The following MGAT4C variants were observed in gnomAD, a reference collection of about 807,000 sequenced individuals.
MGAT4C encodes the protein alpha-1,3-mannosyl-glycoprotein 4-beta-N-acetylglucosaminyltransferase C.
Under a neutral mutation model 40.1 loss-of-function variants are expected in MGAT4C, and 19 were observed. The ratio of observed to expected loss-of-function variants is 0.47; its 90% CI spans 0.33 to 0.70. MGAT4C has a LOEUF of 0.70. MGAT4C is among the 30% of genes least tolerant of loss of function. The pLI, the probability that MGAT4C is intolerant of heterozygous loss-of-function variation, is 0.02. For missense variants in MGAT4C, 491 were observed against 563.2 expected, an observed-to-expected ratio of 0.87 and a Z score of 1.30; for synonymous variants, 181 against 187.1, an observed-to-expected ratio of 0.97 and a Z score of 0.27.
rs1284489965 is a variant in MGAT4C at position 86,712,121 on chromosome 12, G to T, written c.-229+15088C>A. Among the ~76,000 whole-genome samples the T allele has an allele frequency of 3.9e-5, 6 of 152,098 alleles. No homozygotes were observed. The East Asian group carries it at 9.7e-4, about 24-fold the overall frequency. On this transcript the variant is annotated intron_variant, in intron 2 of 7. Transcript: ENST00000548651. ...ATTTCATTTATTTATTAAATGAGAA[G>T]ATAATAAATTTAATATTGTAATAAA...
intron 1 of MGAT4C, among the ~76,000 whole-genome samples, chr12:86,792,471 C>G (rs1406367032): frequency 6.6e-6 from 1 of 151,998 alleles, no homozygotes; most frequent in Non-Finnish European, 1.5e-5. Flanking sequence ...CCTGGTATAT[C>G]CAGCTAACAT....
chr12:86,382,312 A>T (rs975961753), intron 3 of MGAT4C, among the ~76,000 whole-genome samples: 2 of 152,172 alleles, frequency 1.3e-5, no homozygotes, highest in Non-Finnish European at 1.5e-5. Context: ...TGCACTAGAG[A>T]TTTGTGGAAT....
chr12:86,823,260 GA>G (rs1952737180), intron 1 of MGAT4C, among the ~76,000 whole-genome samples: 1 of 149,980 alleles, frequency 6.7e-6, no homozygotes, highest in Non-Finnish European at 1.5e-5. Flanking sequence ...GCATAAGGAA[GA>G]AAATAACAAA....
At chr12:86,569,307 A>G (rs80305446) in intron 2 of MGAT4C, among the ~76,000 whole-genome samples, 4,710 of 152,202 alleles carry the variant, frequency 0.031, 123 homozygotes, top group African/African-American at 0.074. Context: ...CTAATATCCA[A>G]AATTTACAGG....
At chr12:86,108,588 C>A (rs1452252660) in intron 1 of MGAT4C, among the ~76,000 whole-genome samples, 5 of 152,086 alleles carry the variant, frequency 3.3e-5, no homozygotes, top group Non-Finnish European at 7.4e-5. Context: ...GAAGAATACC[C>A]ACCATGGATT....
chr12:86,098,661 A>G (rs879636036), intron 1 of MGAT4C, among the ~76,000 whole-genome samples: 10 of 151,606 alleles, frequency 6.6e-5, no homozygotes, highest in Non-Finnish European at 3.0e-5. Flanking sequence ...TAATTTCTCC[A>G]TAACTAACAT....
intron 1 of MGAT4C, among the ~76,000 whole-genome samples, chr12:86,141,285 AG>A (rs1593053661): frequency 6.6e-6 from 1 of 152,212 alleles, no homozygotes; most frequent in East Asian, 1.9e-4. Flanking sequence ...GAAGGACACA[AG>A]TTTAACAGAG....
At chr12:86,736,832 A>G (rs1327871969) in intron 1 of MGAT4C, among the ~76,000 whole-genome samples, 1 of 151,564 alleles carries the variant, frequency 6.6e-6, no homozygotes, top group Admixed American at 6.6e-5. Flanking sequence ...TGAATATTCT[A>G]ATTTATTTTA....
intron 2 of MGAT4C, among the ~76,000 whole-genome samples, chr12:86,013,488 G>A (rs927187750): frequency 6.6e-6 from 1 of 151,756 alleles, no homozygotes; most frequent in Non-Finnish European, 1.5e-5. Flanking sequence ...TATTATATAT[G>A]AATATATGGA....
intron 2 of MGAT4C, among the ~76,000 whole-genome samples, chr12:86,546,169 T>C (rs1431878622): frequency 1.3e-5 from 2 of 151,964 alleles, no homozygotes; most frequent in African/African-American, 4.8e-5. Context: ...TGAAAGGCCT[T>C]AAGCTTGTTT....
intron 4 of MGAT4C, among the ~76,000 whole-genome samples, chr12:86,316,738 G>C (rs1954243869): frequency 6.6e-6 from 1 of 152,116 alleles, no homozygotes; most frequent in African/African-American, 2.4e-5. Flanking sequence ...TAGGGGAAGG[G>C]TGGGAAAACT....
At chr12:86,420,962 A>C (rs991663585) in intron 3 of MGAT4C, among the ~76,000 whole-genome samples, 1 of 151,520 alleles carries the variant, frequency 6.6e-6, no homozygotes, top group Non-Finnish European at 1.5e-5. Flanking sequence ...TTCTGGTAAA[A>C]TCTGAATCAT....
intron 2 of MGAT4C, among the ~76,000 whole-genome samples, chr12:86,630,911 A>G (rs185813200): frequency 9.8e-4 from 150 of 152,302 alleles, no homozygotes; most frequent in African/African-American, 3.5e-3. Context: ...CGGGGCAATC[A>G]GGCAAGAGAA....
intron 2 of MGAT4C, among the ~76,000 whole-genome samples, chr12:86,662,424 A>C (rs981786974): frequency 3.3e-5 from 5 of 152,234 alleles, no homozygotes; most frequent in African/African-American, 1.2e-4. Flanking sequence ...TTATAGACAC[A>C]GAAGTTTAGG....
Position 86,302,249 on chromosome 12 carries a change from A to G in MGAT4C, c.-57+31816T>C, listed in dbSNP as rs1237656764. Among the ~76,000 whole-genome samples, 5 of 150,850 alleles carry G rather than the reference A, an allele frequency of 3.3e-5. 1 individual carries two copies. The highest frequency in any genetic ancestry group is 1.2e-4 in the African/African-American group (5 of 40,220). ...AATAAATCGAAGCCTTGAAACATCT[A>G]ATTAAATAAAAACAGTTGAAATTTT... On this transcript the variant is annotated intron_variant, in intron 4 of 7. Transcript: ENST00000548651.
chr12:86,574,629 G>T (rs1960491498), intron 2 of MGAT4C, among the ~76,000 whole-genome samples: 2 of 151,568 alleles, frequency 1.3e-5, no homozygotes, highest in Non-Finnish European at 3.0e-5. Flanking sequence ...TAGTTATTTG[G>T]TTCATAAACA....
chr12:86,304,009 A>C (rs1419286826), intron 4 of MGAT4C, among the ~76,000 whole-genome samples: 2 of 150,446 alleles, frequency 1.3e-5, no homozygotes, highest in East Asian at 3.9e-4. Flanking sequence ...TGAGTTGATA[A>C]TAGGTAAATG....
intron 1 of MGAT4C, among the ~76,000 whole-genome samples, chr12:86,238,099 GAACCTAA>G (rs1473103401): frequency 6.6e-6 from 1 of 151,990 alleles, no homozygotes; most frequent in East Asian, 1.9e-4. Flanking sequence ...TAACCTGTGT[GAACCTAA>G]AATAAAATTA....
intron 1 of MGAT4C, among the ~76,000 whole-genome samples, chr12:86,116,253 A>G (rs1260134666): frequency 6.6e-6 from 1 of 151,976 alleles, no homozygotes; most frequent in East Asian, 1.9e-4. Context: ...GTCGGGCATA[A>G]TCTGACTTAT....
Sources: allele counts gnomAD v4.1 joint callset (sites outside exome capture counted in the v4.1 genomes callset), GRCh38; gene constraint gnomAD v4.1.1; transcripts MANE v1.5; gene names NCBI Gene and HGNC (gene_info 2026-07-23, HGNC 2026-07-21).